SERINC5: variants seen among roughly 807,000 people sequenced by gnomAD.
SERINC5 encodes the protein serine incorporator 5, also known as chromosome 5 open reading frame 12.
Under a neutral mutation model 63.1 loss-of-function variants are expected in SERINC5, and 41 were observed. The observed-to-expected ratio is 0.65, with a 90% CI of 0.51 to 0.84. The LOEUF (loss-of-function observed/expected upper bound fraction) is 0.84. SERINC5 is among the 40% of genes least tolerant of loss of function. The pLI is 0.00. For missense variants in SERINC5, 523 were observed against 573.0 expected, an observed-to-expected ratio of 0.91 and a Z score of 0.89; for synonymous variants, 222 against 215.2, an observed-to-expected ratio of 1.03 and a Z score of -0.28.
Position 80,140,845 on chromosome 5 carries a change from T to C in SERINC5, c.*2818A>G, listed in dbSNP as rs779442212. ...CAGCTTTAAAAAAGTCCTCTTCAAC[T>C]GTCATCCCTAAATGTGTCTGACCAG... is the stretch of plus-strand genomic sequence containing the variant. On this transcript the variant is annotated 3_prime_UTR_variant, in exon 12 of 12. Coordinates refer to ENST00000507668, the MANE Select transcript of SERINC5 (RefSeq NM_001174072.3). 18 of 985,416 alleles carry C rather than the reference T, an allele frequency of 1.8e-5. No homozygotes were observed. The highest frequency in any genetic ancestry group is 2.2e-5 in the Non-Finnish European group (18 of 829,940). The allele number at this position is 985,416 out of a possible 1,614,324, so 61.0% of individuals were successfully genotyped here. A position where few individuals can be genotyped will look rare whatever the true frequency, so the allele number is the denominator to read the frequency against.
intron 2 of SERINC5, chr5:80,198,481 C>G: frequency 2.1e-6 from 2 of 969,454 alleles, no homozygotes; most frequent in Non-Finnish European, 2.5e-6. Flanking sequence ...GCTGCCCTTG[C>G]GCTCCTAACC....
intron 11 of SERINC5, among the ~76,000 whole-genome samples, chr5:80,119,696 C>T (rs186988161): frequency 8.2e-4 from 125 of 152,342 alleles, no homozygotes; most frequent in African/African-American, 2.8e-3. Context: ...TTAATGATTT[C>T]CCCATCCCAG....
intron 1 of SERINC5, among the ~76,000 whole-genome samples, chr5:80,220,232 AGAG>A (rs771761719): frequency 8.3e-5 from 11 of 132,820 alleles, no homozygotes; most frequent in South Asian, 2.4e-4. Flanking sequence ...AAAAAAAAAA[AGAG>A]AGAGAGAGAT....
intron 8 of SERINC5, among the ~76,000 whole-genome samples, chr5:80,153,808 CAAAA>C (rs1349445320): frequency 1.1e-5 from 1 of 91,302 alleles, no homozygotes; most frequent in Non-Finnish European, 2.3e-5. Flanking sequence ...TGGTGACAGC[CAAAA>C]AAAAAAAAAA....
Position 80,146,164 on chromosome 5 carries a change from G to A in SERINC5, c.1164C>T (p.Tyr388=), listed in dbSNP as rs2112303480. Residue 388 remains tyrosine (Y), a synonymous_variant, in exon 11 of 12, where the codon TAC becomes TAT. Coordinates refer to ENST00000507668, the MANE Select transcript of SERINC5 (RefSeq NM_001174072.3). ...VIYDEKKGTV[Y]IYSYFHFVFF... ...ACACGAAGTGGAAGTAGGAGTAGATGTAGACGGTGCCTTTCTTCTCGTCAT... is the reference window on the plus strand; with the variant it reads ...ACACGAAGTGGAAGTAGGAGTAGATATAGACGGTGCCTTTCTTCTCGTCAT... 3 of 1,614,000 alleles carry A rather than the reference G, an allele frequency of 1.9e-6. No individual in the cohort carries two copies. Among genetic ancestry groups the A allele is most frequent in the East Asian group, 2.2e-5 (1 of 44,884 alleles).
At chr5:80,125,031 G>T (rs1332708495) in intron 11 of SERINC5, among the ~76,000 whole-genome samples, 1 of 152,232 alleles carries the variant, frequency 6.6e-6, no homozygotes, top group Non-Finnish European at 1.5e-5. Context: ...TGAGACAGTT[G>T]TCATGTGTCA....
At chr5:80,197,375 C>A (rs1175140954) in intron 2 of SERINC5, among the ~76,000 whole-genome samples, 1 of 120,504 alleles carries the variant, frequency 8.3e-6, no homozygotes, top group Non-Finnish European at 1.8e-5. Flanking sequence ...ACGGACCAGA[C>A]ACAGAGGGCT....
intron 11 of SERINC5, among the ~76,000 whole-genome samples, chr5:80,118,789 C>G (rs1269076641): frequency 1.3e-5 from 2 of 148,162 alleles, no homozygotes; most frequent in African/African-American, 5.0e-5. Context: ...TCTCGCACTC[C>G]TGGCCTCAAG....
chr5:80,250,883 C>T (rs1752379073), intron 1 of SERINC5, among the ~76,000 whole-genome samples: 1 of 152,194 alleles, frequency 6.6e-6, no homozygotes, highest in Non-Finnish European at 1.5e-5. Flanking sequence ...CCCTTATGCT[C>T]ACTTTAAAAG....
At chr5:80,224,409 C>T (rs147433524) in intron 1 of SERINC5, among the ~76,000 whole-genome samples, 2,022 of 150,360 alleles carry the variant, frequency 0.013, 46 homozygotes, top group African/African-American at 0.048. Flanking sequence ...CCCAGGAGGT[C>T]GAGGCTGCAA....
At chr5:80,219,713 C>T (rs1463927263) in intron 1 of SERINC5, among the ~76,000 whole-genome samples, 1 of 152,144 alleles carries the variant, frequency 6.6e-6, no homozygotes, top group African/African-American at 2.4e-5. Flanking sequence ...CCTTCGCCCC[C>T]AGCTTGAGAA....
At chr5:80,158,583 C>T (rs1365233928) in intron 8 of SERINC5, 5 of 422,274 alleles carry the variant, frequency 1.2e-5, no homozygotes, top group Non-Finnish European at 1.7e-5. Flanking sequence ...CTTTATTTAC[C>T]CCAAATAAAA....
chr5:80,165,305 T>C (rs1747217451), intron 7 of SERINC5, among the ~76,000 whole-genome samples: 1 of 152,200 alleles, frequency 6.6e-6, no homozygotes, highest in Non-Finnish European at 1.5e-5. Flanking sequence ...ATACTATGTG[T>C]ATATGCTAAA....
intron 2 of SERINC5, among the ~76,000 whole-genome samples, chr5:80,202,213 G>A (rs1045624216): frequency 6.6e-6 from 1 of 151,984 alleles, no homozygotes; most frequent in Non-Finnish European, 1.5e-5. Flanking sequence ...ACTCTAGCCT[G>A]GGTAACAAGA....
chr5:80,177,178 A>T, intron 4 of SERINC5, 137 bp downstream of exon 4: 1 of 619,366 alleles, frequency 1.6e-6, no homozygotes, highest in South Asian at 2.0e-5. Context: ...ATGGGCAGGT[A>T]AGTCAGGAAT....
In SERINC5 at chr5:80,240,091, C is replaced by T. The variant is rs190029889; in HGVS notation, c.27+15805G>A. Among the ~76,000 whole-genome samples, 529 of 152,284 alleles carry T rather than the reference C, an allele frequency of 3.5e-3. 1 individual carries two copies. Among genetic ancestry groups the T allele is most frequent in the Non-Finnish European group, 6.4e-3 (432 of 68,014 alleles). On this transcript the variant is annotated intron_variant, in intron 1 of 11. Transcript: ENST00000507668. The stretch of plus-strand genomic sequence containing the variant: ...CCAACAGGATGGATATGTTACGGAA[C>T]AATTAGGCATAATAGGATGTGCATT...
At chr5:80,151,170 T>G (rs942859297) in intron 8 of SERINC5, among the ~76,000 whole-genome samples, 2 of 152,252 alleles carry the variant, frequency 1.3e-5, no homozygotes, top group Non-Finnish European at 2.9e-5. Flanking sequence ...TTAGATCATT[T>G]TATGCAAAGA....
chr5:80,237,796 C>T (rs576943548), intron 1 of SERINC5, among the ~76,000 whole-genome samples: 23 of 152,048 alleles, frequency 1.5e-4, no homozygotes, highest in African/African-American at 4.8e-4. Flanking sequence ...CCTGCTGGAA[C>T]TCTTGCTTCC....
chr5:80,244,816 C>T (rs1291271249), intron 1 of SERINC5, among the ~76,000 whole-genome samples: 2 of 151,950 alleles, frequency 1.3e-5, no homozygotes, highest in South Asian at 2.1e-4. Context: ...AGCGAGACTC[C>T]GTCTCAAAAA....
Sources: gnomAD v4.1 joint callset for allele counts (sites outside exome capture counted in the v4.1 genomes callset) on GRCh38, gnomAD v4.1.1 for gene constraint, MANE v1.5 for transcripts, NCBI Gene and HGNC (gene_info 2026-07-23, HGNC 2026-07-21) for gene names.